NPLOC4: variants seen among roughly 807,000 people sequenced by gnomAD.
NPLOC4 encodes the protein nuclear protein localization protein 4 homolog.
A neutral mutation model predicts 80.6 loss-of-function variants in NPLOC4; 18 were observed. The observed-to-expected ratio is 0.22, with a 90% CI of 0.15 to 0.33. The LOEUF (loss-of-function observed/expected upper bound fraction) is 0.33. NPLOC4 is among the 10% of genes least tolerant of loss of function. The probability of loss-of-function intolerance (pLI) is 1.00; values close to 1 mark genes in which losing one functional copy is unlikely to be tolerated. For synonymous variants in NPLOC4, 313 were observed against 301.5 expected (o/e 1.04, Z -0.39); for missense variants, 540 against 786.1 (o/e 0.69, Z 3.74).
At chr17:81,556,885 A>G (rs1157572155), downstream of NPLOC4, 1 of 152,318 alleles carries the variant, frequency 6.6e-6, no homozygotes, top group Non-Finnish European at 1.5e-5. Flanking sequence ...AGGACCAGGC[A>G]GTTGCTTCAG....
intron 12 of NPLOC4, among the ~76,000 whole-genome samples, chr17:81,582,284 G>A (rs984219507): frequency 2.6e-5 from 4 of 152,216 alleles, no homozygotes; most frequent in African/African-American, 9.7e-5. Flanking sequence ...ATGCCTGCAC[G>A]TCACATCCGT....
intron 13 of NPLOC4, among the ~76,000 whole-genome samples, chr17:81,570,633 C>T (rs2034137181): frequency 6.6e-6 from 1 of 152,228 alleles, no homozygotes; most frequent in South Asian, 2.1e-4. Context: ...CTACCCTACC[C>T]ATCGTCTATC....
chr17:81,585,670 G>C (rs113915083), intron 12 of NPLOC4, among the ~76,000 whole-genome samples: 57,330 of 142,536 alleles, frequency 0.4, 14,242 homozygotes, highest in Non-Finnish European at 0.53. Flanking sequence ...CTGGGGGGGG[G>C]GGGAAAGAAA....
intron 12 of NPLOC4, among the ~76,000 whole-genome samples, chr17:81,587,656 G>A (rs1008822773): frequency 8.1e-4 from 93 of 114,948 alleles, no homozygotes; most frequent in Middle Eastern, 6.9e-3. Context: ...AAGGAAAAAA[G>A]AAACAAAGAA....
chr17:81,578,457 A>C (rs1429253792), intron 12 of NPLOC4, among the ~76,000 whole-genome samples: 2 of 152,170 alleles, frequency 1.3e-5, no homozygotes, highest in East Asian at 3.8e-4. Flanking sequence ...TCAACAGATA[A>C]ACGGTACGAC....
chr17:81,604,789 T>C, intron 7 of NPLOC4, 62 bp from the exon 8 acceptor site: 1 of 1,414,800 alleles, frequency 7.1e-7, no homozygotes. Context: ...CACTTGTTTT[T>C]CTAACACAAA....
intron 3 of NPLOC4, among the ~76,000 whole-genome samples, chr17:81,618,009 A>G (rs1222008378): frequency 6.6e-6 from 1 of 151,700 alleles, no homozygotes; most frequent in African/African-American, 2.4e-5. Flanking sequence ...GCTCGCTACA[A>G]CCTCTACCTC....
intron 12 of NPLOC4, among the ~76,000 whole-genome samples, chr17:81,579,788 C>T (rs2034390321): frequency 6.6e-6 from 1 of 152,184 alleles, no homozygotes; most frequent in Non-Finnish European, 1.5e-5. Context: ...TTCTCAATCC[C>T]ACTTCCCATA....
At chr17:81,608,924 G>T (rs2035274107) in intron 5 of NPLOC4, 102 bp from the exon 6 acceptor site, 2 of 784,984 alleles carry the variant, frequency 2.5e-6, no homozygotes, top group East Asian at 2.7e-5. Flanking sequence ...CATGGCCTTG[G>T]CAAGTCAAGG....
chr17:81,573,382 C>T (rs918296474), intron 12 of NPLOC4: 1 of 152,222 alleles, frequency 6.6e-6, no homozygotes, highest in South Asian at 2.1e-4. Context: ...TCTTCTGAGA[C>T]AATCATCACA....
At chr17:81,622,384 G>C in intron 2 of NPLOC4, 106 bp from the exon 3 acceptor site, 3 of 843,116 alleles carry the variant, frequency 3.6e-6, no homozygotes, top group Non-Finnish European at 5.8e-6. Flanking sequence ...AATTTGGAAA[G>C]TGCCCATCAT....
At chr17:81,596,496 G>C (rs1031613726) in intron 10 of NPLOC4, among the ~76,000 whole-genome samples, 1 of 152,102 alleles carries the variant, frequency 6.6e-6, no homozygotes, top group African/African-American at 2.4e-5. Context: ...AACCCAGGAG[G>C]AGGAAGCTGT....
chr17:81,595,348 C>G (rs1423139380), intron 11 of NPLOC4, among the ~76,000 whole-genome samples: 1 of 149,904 alleles, frequency 6.7e-6, no homozygotes, highest in East Asian at 2.0e-4. Context: ...GCACAAAAAT[C>G]GCTTGAACCC....
intron 1 of NPLOC4, among the ~76,000 whole-genome samples, chr17:81,634,447 G>A (rs1263893582): frequency 1.3e-5 from 2 of 150,324 alleles, no homozygotes; most frequent in East Asian, 1.9e-4. Flanking sequence ...ACACTAGTGG[G>A]AAAAAAAAAA....
At chr17:81,625,544 T>C (rs1490610082) in intron 2 of NPLOC4, among the ~76,000 whole-genome samples, 1 of 152,142 alleles carries the variant, frequency 6.6e-6, no homozygotes, top group South Asian at 2.1e-4. Context: ...AAAAATTCAC[T>C]GAACGGGCTT....
intron 1 of NPLOC4, among the ~76,000 whole-genome samples, chr17:81,633,786 C>T (rs1395064582): frequency 6.6e-6 from 1 of 152,134 alleles, no homozygotes; most frequent in Admixed American, 6.5e-5. Context: ...TTCACTGCAA[C>T]CTTTGCCTGC....
At chr17:81,591,714 C>G (rs574453685) in intron 11 of NPLOC4, among the ~76,000 whole-genome samples, 2 of 152,104 alleles carry the variant, frequency 1.3e-5, no homozygotes, top group Non-Finnish European at 1.5e-5. Context: ...GTAACCCTGC[C>G]GGAATGGCTG....
intron 9 of NPLOC4, among the ~76,000 whole-genome samples, chr17:81,599,825 A>G (rs2035016959): frequency 6.6e-6 from 1 of 152,254 alleles, no homozygotes; most frequent in Admixed American, 6.5e-5. Flanking sequence ...TTGTAGGCTC[A>G]GAGAGCTAAA....
At chr17:81,590,642 A>G (rs1337286062) in intron 11 of NPLOC4, among the ~76,000 whole-genome samples, 2 of 152,008 alleles carry the variant, frequency 1.3e-5, no homozygotes, top group Admixed American at 1.3e-4. Context: ...CACTGTGCCC[A>G]GCCCTCAACA....
Sources: allele counts gnomAD v4.1 joint callset (sites outside exome capture counted in the v4.1 genomes callset), GRCh38; gene constraint gnomAD v4.1.1; transcripts MANE v1.5; gene names NCBI Gene and HGNC (gene_info 2026-07-23, HGNC 2026-07-21).